Variants in CNTN1 observed in about 807,000 individuals in gnomAD.
CNTN1 encodes the protein contactin 1, also known as contactin-1.
Under a neutral mutation model 126.4 loss-of-function variants are expected in CNTN1, and 38 were observed. The observed-to-expected ratio is 0.30, with a 90% CI of 0.23 to 0.39. The LOEUF (loss-of-function observed/expected upper bound fraction) is 0.39, where lower values mean the gene tolerates loss of function less well. Among genes scored for constraint, CNTN1 ranks in the 10% least tolerant of loss-of-function variants. The pLI, the probability that CNTN1 is intolerant of heterozygous loss-of-function variation, is 1.00. For synonymous variants in CNTN1, 413 were observed against 422.6 expected, an observed-to-expected ratio of 0.98 and a Z score of 0.28; for missense variants, 1,009 against 1,248.4, an observed-to-expected ratio of 0.81 and a Z score of 2.89.
intron 1 of CNTN1, among the ~76,000 whole-genome samples, chr12:40,786,773 G>T (rs544263446): frequency 6.6e-6 from 1 of 152,248 alleles, no homozygotes; most frequent in South Asian, 2.1e-4. Context: ...CTTCTAAATT[G>T]CAACAATGGA....
At chr12:40,730,308 C>A (rs563829034) in intron 1 of CNTN1, among the ~76,000 whole-genome samples, 20 of 152,324 alleles carry the variant, frequency 1.3e-4, no homozygotes, top group African/African-American at 4.1e-4. Context: ...CTTTTCTTCT[C>A]TTCTTTATTT....
At chr12:40,871,145 T>A in intron 1 of CNTN1, among the ~76,000 whole-genome samples, 1 of 139,808 alleles carries the variant, frequency 7.2e-6, no homozygotes, top group Non-Finnish European at 1.5e-5. Flanking sequence ...GTTATGTAAC[T>A]AGTGAGAAAT....
intron 1 of CNTN1, among the ~76,000 whole-genome samples, chr12:40,733,916 A>T (rs1942557980): frequency 6.6e-6 from 1 of 152,060 alleles, no homozygotes; most frequent in Non-Finnish European, 1.5e-5. Flanking sequence ...ACTTCTTTAA[A>T]ATGAATGTTT....
chr12:40,767,206 A>G (rs1172510719), intron 1 of CNTN1, among the ~76,000 whole-genome samples: 1 of 151,730 alleles, frequency 6.6e-6, no homozygotes, highest in Non-Finnish European at 1.5e-5. Flanking sequence ...TGGTCTGAAA[A>G]TTACTAGGGG....
At chr12:40,950,097 GGTGTGTGTGTGT>G (rs59713493) in intron 14 of CNTN1, among the ~76,000 whole-genome samples, 16,773 of 145,192 alleles carry the variant, frequency 0.12, 998 homozygotes, top group African/African-American at 0.13. Flanking sequence ...GTGTTGAGAG[GGTGTGTGTGTGT>G]GTGTGTGTGT....
chr12:40,787,158 C>G (rs1452435345), intron 1 of CNTN1, among the ~76,000 whole-genome samples: 2 of 152,088 alleles, frequency 1.3e-5, no homozygotes, highest in East Asian at 3.9e-4. Context: ...TACTGTTCAT[C>G]TTATTTATAA....
At chr12:40,716,420 T>C (rs11837294) in intron 1 of CNTN1, among the ~76,000 whole-genome samples, 6,631 of 152,052 alleles carry the variant, frequency 0.044, 289 homozygotes, top group African/African-American at 0.12. Context: ...TCCTCCTTTA[T>C]TCTTCCACAA....
chr12:40,772,488 T>C (rs1939381025), intron 1 of CNTN1, among the ~76,000 whole-genome samples: 1 of 151,954 alleles, frequency 6.6e-6, no homozygotes, highest in African/African-American at 2.4e-5. Flanking sequence ...AGGGGAGATA[T>C]TAATACTTGC....
chr12:40,888,780 A>C (rs1944143371), intron 1 of CNTN1, among the ~76,000 whole-genome samples: 2 of 152,378 alleles, frequency 1.3e-5, no homozygotes, highest in South Asian at 4.1e-4. Context: ...AGTTTAATAA[A>C]CAGAGTTAAG....
At chr12:40,844,031 A>G (rs1322294357) in intron 1 of CNTN1, among the ~76,000 whole-genome samples, 1 of 144,916 alleles carries the variant, frequency 6.9e-6, no homozygotes, top group Non-Finnish European at 1.5e-5. Context: ...TTTTGTAATA[A>G]ATGCCATATT....
At chr12:40,716,218 TTC>T (rs201658307) in intron 1 of CNTN1, among the ~76,000 whole-genome samples, 2 of 151,116 alleles carry the variant, frequency 1.3e-5, no homozygotes, top group Admixed American at 6.6e-5. Context: ...CTTCCATTCC[TTC>T]TCTCTCTCTC....
chr12:40,936,102 C>A (rs1264768991), intron 9 of CNTN1, among the ~76,000 whole-genome samples: 1 of 152,020 alleles, frequency 6.6e-6, no homozygotes, highest in Non-Finnish European at 1.5e-5. Flanking sequence ...TGCTTGTTCT[C>A]TAAAAATATT....
intron 1 of CNTN1, among the ~76,000 whole-genome samples, chr12:40,897,887 C>T (rs913018387): frequency 6.6e-6 from 1 of 152,140 alleles, no homozygotes; most frequent in African/African-American, 2.4e-5. Flanking sequence ...TTCAACAACT[C>T]TCTGTGAAAG....
At chr12:40,839,902 C>G (rs894534577) in intron 1 of CNTN1, among the ~76,000 whole-genome samples, 1 of 151,922 alleles carries the variant, frequency 6.6e-6, no homozygotes, top group Non-Finnish European at 1.5e-5. Flanking sequence ...ATCCACCAAA[C>G]AACAAAGAGT....
chr12:41,015,565 C>T (rs1283299253), intron 18 of CNTN1, among the ~76,000 whole-genome samples: 10 of 152,082 alleles, frequency 6.6e-5, no homozygotes, highest in Non-Finnish European at 1.5e-5. Context: ...TCTAAAATCA[C>T]ATACCTATTA....
intron 1 of CNTN1, chr12:40,895,903 G>A (rs1460591362): frequency 2.6e-5 from 4 of 150,950 alleles, no homozygotes; most frequent in East Asian, 3.9e-4. Context: ...GACTACAGGC[G>A]GCTGCCACCA....
chr12:41,041,178 G>C (rs1228945321), intron 23 of CNTN1, among the ~76,000 whole-genome samples: 5 of 151,900 alleles, frequency 3.3e-5, no homozygotes, highest in African/African-American at 1.2e-4. Context: ...ATAATCATGT[G>C]GTTTTTGTCT....
At chr12:40,845,706 A>G (rs767712373) in intron 1 of CNTN1, among the ~76,000 whole-genome samples, 3 of 152,088 alleles carry the variant, frequency 2.0e-5, no homozygotes, top group South Asian at 4.1e-4. Flanking sequence ...CTTTTCACCA[A>G]TGAGATTCAG....
At chr12:40,798,288 G>A (rs1940520832) in intron 1 of CNTN1, among the ~76,000 whole-genome samples, 1 of 152,018 alleles carries the variant, frequency 6.6e-6, no homozygotes, top group Admixed American at 6.6e-5. Context: ...TTGATTGTGT[G>A]ACACAGCCCC....
Sources: allele counts gnomAD v4.1 joint callset (sites outside exome capture counted in the v4.1 genomes callset), GRCh38; gene constraint gnomAD v4.1.1; transcripts MANE v1.5; gene names NCBI Gene and HGNC (gene_info 2026-07-23, HGNC 2026-07-21).